CDH13: variants seen among roughly 807,000 people sequenced by gnomAD.
The protein encoded by CDH13 is cadherin-13.
Under a neutral mutation model 63.8 loss-of-function variants are expected in CDH13, and 24 were observed. The observed-to-expected ratio is 0.38, with a 90% CI of 0.27 to 0.53. CDH13 has a LOEUF of 0.53. CDH13 is among the 20% of genes least tolerant of loss of function. The probability of loss-of-function intolerance (pLI) is 0.85; values close to 1 mark genes in which losing one functional copy is unlikely to be tolerated. For synonymous variants in CDH13, 503 were observed against 355.3 expected (o/e 1.42, Z -4.67); for missense variants, 1,049 against 903.1 (o/e 1.16, Z -2.07).
chr16:83,607,939 T>C (rs1598362345), intron 8 of CDH13, among the ~76,000 whole-genome samples: 1 of 152,210 alleles, frequency 6.6e-6, no homozygotes, highest in East Asian at 1.9e-4. Flanking sequence ...TTCTGATTTG[T>C]AGCTAGAACA....
chr16:83,302,360 G>A (rs1237967092), intron 5 of CDH13, among the ~76,000 whole-genome samples: 1 of 152,140 alleles, frequency 6.6e-6, no homozygotes. Flanking sequence ...ATCAAATCAT[G>A]GAAAATATGT....
chr16:83,441,954 C>G (rs1182283498), intron 6 of CDH13, among the ~76,000 whole-genome samples: 1 of 152,128 alleles, frequency 6.6e-6, no homozygotes, highest in Non-Finnish European at 1.5e-5. Flanking sequence ...AGGGCTTTAT[C>G]TATAAGGAGG....
intron 1 of CDH13, among the ~76,000 whole-genome samples, chr16:82,666,092 C>T (rs553154211): frequency 2.6e-5 from 4 of 152,132 alleles, no homozygotes; most frequent in African/African-American, 7.2e-5. Context: ...GACTGTGATT[C>T]TTAAGTTAAT....
At chr16:82,927,418 A>C (rs1567668343) in intron 2 of CDH13, among the ~76,000 whole-genome samples, 2 of 152,166 alleles carry the variant, frequency 1.3e-5, no homozygotes, top group East Asian at 3.8e-4. Context: ...TTTTCAGCCC[A>C]TGTTTTACCA....
intron 4 of CDH13, among the ~76,000 whole-genome samples, chr16:83,137,281 C>G (rs1394697029): frequency 1.3e-5 from 2 of 152,218 alleles, no homozygotes; most frequent in African/African-American, 4.8e-5. Flanking sequence ...CTCCACCACT[C>G]TTCTCCTTGG....
chr16:83,605,693 A>T (rs1255708638), intron 8 of CDH13, among the ~76,000 whole-genome samples: 2 of 152,320 alleles, frequency 1.3e-5, no homozygotes, highest in East Asian at 1.9e-4. Flanking sequence ...GCCATGATGA[A>T]GAAGAAGATT....
intron 5 of CDH13, among the ~76,000 whole-genome samples, chr16:83,232,876 G>A (rs1410195208): frequency 2.0e-5 from 3 of 152,118 alleles, no homozygotes; most frequent in Non-Finnish European, 4.4e-5. Flanking sequence ...TGAGACTATC[G>A]TAGTTTATGC....
chr16:83,031,997 G>T lies in CDH13; in HGVS notation c.158-13G>T, dbSNP rs183211035. ...CTACTCATGCTCCTTCTGTTGTTTC[G>T]TTTGTTTCCCAGTGACCTTCAGTGA... On this transcript the variant is annotated splice_polypyrimidine_tract_variant and intron_variant, in intron 2 of 13. Transcript: ENST00000567109. 1.3e-6 allele frequency: 2 copies of T among 1,567,356 alleles called. No individual in the cohort carries two copies. The highest frequency in any genetic ancestry group is 2.4e-5 in the East Asian group (1 of 42,436).
At chr16:82,818,314 A>T (rs1778647639) in intron 1 of CDH13, among the ~76,000 whole-genome samples, 1 of 152,194 alleles carries the variant, frequency 6.6e-6, no homozygotes, top group African/African-American at 2.4e-5. Flanking sequence ...TGAAGCTGAT[A>T]TTCAAACTAA....
intron 7 of CDH13, among the ~76,000 whole-genome samples, chr16:83,570,496 G>A (rs993927656): frequency 3.3e-5 from 5 of 151,836 alleles, no homozygotes; most frequent in Admixed American, 1.3e-4. Flanking sequence ...AAGGAAAAAC[G>A]TACTGCTGCC....
chr16:82,799,532 C>T (rs2036750050), intron 1 of CDH13, among the ~76,000 whole-genome samples: 1 of 152,124 alleles, frequency 6.6e-6, no homozygotes, highest in Non-Finnish European at 1.5e-5. Flanking sequence ...GTCTTTTTTG[C>T]AACATTGCTA....
chr16:83,773,850 G>A (rs529909818), intron 11 of CDH13, among the ~76,000 whole-genome samples: 5 of 152,142 alleles, frequency 3.3e-5, no homozygotes, highest in African/African-American at 1.2e-4. Flanking sequence ...CCAGTCATGA[G>A]GCTCTAAACC....
Position 83,047,174 on chromosome 16 carries a change from C to T in CDH13, c.366+14956C>T, listed in dbSNP as rs930444055. Among the ~76,000 whole-genome samples the T allele has an allele frequency of 6.6e-6, 1 of 152,176 alleles. No individual in the cohort carries two copies. The highest frequency in any genetic ancestry group is 2.4e-5 in the African/African-American group (1 of 41,434). ...TGAGACCCAAGGAAAGGTCTGCAGA[C>T]TATAAGCAGACTTTATCTGAAGACC... On this transcript the variant is annotated intron_variant, in intron 3 of 13. Transcript: ENST00000567109. This position sits in a 1 kb window ranked among gnomAD's most constrained non-coding sequence, Gnocchi z 4.9.
intron 10 of CDH13, among the ~76,000 whole-genome samples, chr16:83,703,713 T>C (rs1598518813): frequency 6.6e-6 from 1 of 152,350 alleles, no homozygotes; most frequent in Non-Finnish European, 1.5e-5. Context: ...AGAAAAGTAC[T>C]TTTTAAGAAA....
chr16:83,161,298 G>T (rs1464950472), intron 4 of CDH13, among the ~76,000 whole-genome samples: 4 of 152,110 alleles, frequency 2.6e-5, no homozygotes, highest in Non-Finnish European at 5.9e-5. Context: ...GGGAGGCTAA[G>T]TTCAATGTAG....
chr16:83,348,667 G>T (rs1417285704), intron 6 of CDH13, among the ~76,000 whole-genome samples: 1 of 152,224 alleles, frequency 6.6e-6, no homozygotes, highest in Non-Finnish European at 1.5e-5. Flanking sequence ...GTAGCCTAGA[G>T]CTGTGTTTGA....
chr16:83,743,296 AT>A lies in CDH13; in HGVS notation c.1539-4805del, dbSNP rs1445346326. On this transcript the variant is annotated intron_variant, in intron 10 of 13. Transcript: ENST00000567109. ...ATAGCACAGCTCTGGATACTTGATTATTTTTTTAAGGAGGAAAAAGAGTGAG... is the reference window on the plus strand; with the variant it reads ...ATAGCACAGCTCTGGATACTTGATTATTTTTTAAGGAGGAAAAAGAGTGAG... 5.3e-5 allele frequency among the ~76,000 whole-genome samples: 8 copies of A among 152,184 alleles called. No individual in the cohort carries two copies. The East Asian group carries it at 1.3e-3, about 26-fold the overall frequency.
In CDH13 at chr16:82,697,739, TTGTGTG is replaced by T. The variant is rs56791322; in HGVS notation, c.45+70646_45+70651del. Among the ~76,000 whole-genome samples, 653 of 146,668 alleles carry T rather than the reference TTGTGTG, an allele frequency of 4.5e-3. 3 individuals are homozygous for T. Among genetic ancestry groups the T allele is most frequent in the South Asian group, 0.019 (88 of 4,596 alleles). ...CACCGCACCTGGCTGGGCCGAGGCA[TTGTGTG>T]TGTGTGTGTGTGTGTGTGTGTGTGT... On this transcript the variant is annotated intron_variant, in intron 1 of 13. Coordinates refer to ENST00000567109, the MANE Select transcript of CDH13 (RefSeq NM_001257.5).
At chr16:82,762,295 AT>A (rs2034884427) in intron 1 of CDH13, among the ~76,000 whole-genome samples, 2 of 152,210 alleles carry the variant, frequency 1.3e-5, no homozygotes, top group Admixed American at 1.3e-4. Context: ...TGCCGTTAGA[AT>A]TGATTACTTC....
Sources: gnomAD v4.1 joint callset for allele counts (sites outside exome capture counted in the v4.1 genomes callset) on GRCh38, gnomAD v4.1.1 for gene constraint, Gnocchi (gnomAD v3.1) non-coding constraint, MANE v1.5 for transcripts, NCBI Gene and HGNC (gene_info 2026-07-23, HGNC 2026-07-21) for gene names.